Variants in POU6F2 observed in about 807,000 individuals in gnomAD.
POU6F2 encodes the protein POU domain, class 6, transcription factor 2.
In POU6F2, 31 loss-of-function variants were observed where a neutral mutation model predicts 71.3. That is an observed-to-expected ratio of 0.43 (90% confidence interval 0.33 to 0.59). The LOEUF (loss-of-function observed/expected upper bound fraction) is 0.59. Ranked by LOEUF, POU6F2 falls within the 20% of genes least tolerant of loss-of-function variation. The probability of loss-of-function intolerance (pLI) is 0.04; values close to 1 mark genes in which losing one functional copy is unlikely to be tolerated. For missense variants in POU6F2, 783 were observed against 856.8 expected (o/e 0.91, Z 1.07); for synonymous variants, 347 against 355.7 (o/e 0.98, Z 0.27).
chr7:38,983,788 A>C (rs532180778), intron 1 of POU6F2, among the ~76,000 whole-genome samples: 1 of 152,244 alleles, frequency 6.6e-6, no homozygotes, highest in South Asian at 2.1e-4. Flanking sequence ...TATTTCAGGG[A>C]TAGCACTTCT....
chr7:39,088,647 G>A (rs757340820), intron 2 of POU6F2, among the ~76,000 whole-genome samples: 1 of 152,014 alleles, frequency 6.6e-6, no homozygotes, highest in Non-Finnish European at 1.5e-5. Context: ...TGAAAATTGG[G>A]CTTCTCTAAT....
intron 4 of POU6F2, among the ~76,000 whole-genome samples, chr7:39,322,026 C>T (rs192425778): frequency 6.6e-6 from 1 of 152,250 alleles, no homozygotes; most frequent in Non-Finnish European, 1.5e-5. Flanking sequence ...CCGTAAAACT[C>T]AAATTCTCAT....
intron 1 of POU6F2, among the ~76,000 whole-genome samples, chr7:39,071,314 G>T (rs181204694): frequency 1.6e-4 from 25 of 151,930 alleles, no homozygotes; most frequent in Non-Finnish European, 2.9e-4. Context: ...CCAGTGATCC[G>T]ACAGGAGGCA....
chr7:39,213,304 A>G (rs1208419749), intron 4 of POU6F2, among the ~76,000 whole-genome samples: 2 of 152,134 alleles, frequency 1.3e-5, no homozygotes, highest in Non-Finnish European at 2.9e-5. Flanking sequence ...TGACTCCCCA[A>G]ATTAAAGCCT....
intron 4 of POU6F2, among the ~76,000 whole-genome samples, chr7:39,245,689 TATC>T (rs1392626622): frequency 1.3e-5 from 2 of 152,204 alleles, no homozygotes; most frequent in Non-Finnish European, 2.9e-5. Context: ...GAAATCATGT[TATC>T]ATCTGCAGTA....
At chr7:39,373,318 C>T (rs1786649393) in intron 5 of POU6F2, among the ~76,000 whole-genome samples, 1 of 152,082 alleles carries the variant, frequency 6.6e-6, no homozygotes, top group African/African-American at 2.4e-5. Flanking sequence ...GAGCGGTTTC[C>T]ACAGATTGTA....
At chr7:39,001,346 A>G (rs1247051315) in intron 1 of POU6F2, among the ~76,000 whole-genome samples, 2 of 152,132 alleles carry the variant, frequency 1.3e-5, no homozygotes, top group African/African-American at 4.8e-5. Flanking sequence ...TTTATCGAGT[A>G]CTTGTTATGG....
intron 1 of POU6F2, among the ~76,000 whole-genome samples, chr7:39,042,066 G>A (rs894327836): frequency 1.3e-5 from 2 of 151,950 alleles, no homozygotes; most frequent in Admixed American, 6.6e-5. Context: ...GGGCAGGAGA[G>A]CATGTGGGAG....
At chr7:39,307,422 C>G (rs1354833116) in intron 4 of POU6F2, among the ~76,000 whole-genome samples, 1 of 152,100 alleles carries the variant, frequency 6.6e-6, no homozygotes, top group Non-Finnish European at 1.5e-5. Flanking sequence ...CAAATATAAT[C>G]TATCATACTC....
chr7:39,458,541 A>G (rs2116153565), intron 8 of POU6F2, among the ~76,000 whole-genome samples: 1 of 152,224 alleles, frequency 6.6e-6, no homozygotes, highest in East Asian at 1.9e-4. Flanking sequence ...CGAGCCCGGA[A>G]GCAGCTCCAG....
intron 2 of POU6F2, among the ~76,000 whole-genome samples, chr7:39,117,643 G>C (rs1024171427): frequency 2.6e-5 from 4 of 152,102 alleles, no homozygotes; most frequent in African/African-American, 7.2e-5. Flanking sequence ...CGACAAGAGG[G>C]AACCAGTCCT....
At chr7:39,239,838 A>G (rs1199584134) in intron 4 of POU6F2, among the ~76,000 whole-genome samples, 2 of 152,174 alleles carry the variant, frequency 1.3e-5, no homozygotes, top group East Asian at 1.9e-4. Context: ...ACAGTAGCCT[A>G]TAAACCTTCC....
chr7:39,231,512 G>T (rs771743695), intron 4 of POU6F2, among the ~76,000 whole-genome samples: 4 of 152,118 alleles, frequency 2.6e-5, no homozygotes, highest in Non-Finnish European at 4.4e-5. Context: ...AAGAGATTAA[G>T]TGGTATGGCA....
Position 39,015,857 on chromosome 7 carries a change from A to AT in POU6F2, c.105+37800dup, listed in dbSNP as rs1789496348. On this transcript the variant is annotated intron_variant, in intron 1 of 9. Transcript: ENST00000518318. ...TATATAATATATTATATATAGATAT[A>AT]TATAATATATTATATATAGATATAT... Among the ~76,000 whole-genome samples, 4 of 85,752 alleles carry AT rather than the reference A, an allele frequency of 4.7e-5. No individual in the cohort carries two copies. The East Asian group carries it at 1.2e-3, about 25-fold the overall frequency. The allele number at this position is 85,752 out of a possible 152,430, so 56.3% of individuals were successfully genotyped here. A position where few individuals can be genotyped will look rare whatever the true frequency, so the allele number is the denominator to read the frequency against.
chr7:39,323,796 A>G (rs1785449132), intron 4 of POU6F2, among the ~76,000 whole-genome samples: 1 of 152,190 alleles, frequency 6.6e-6, no homozygotes, highest in Non-Finnish European at 1.5e-5. Flanking sequence ...GGAAGGCAAG[A>G]GATTAGAGGT....
At chr7:39,001,939 T>A (rs1467323920) in intron 1 of POU6F2, 4 of 152,270 alleles carry the variant, frequency 2.6e-5, no homozygotes, top group Non-Finnish European at 5.9e-5. Context: ...GTGGTGATAG[T>A]CATGGTGATG....
chr7:39,316,927 C>T (rs1302317976), intron 4 of POU6F2, among the ~76,000 whole-genome samples: 2 of 152,134 alleles, frequency 1.3e-5, no homozygotes, highest in African/African-American at 2.4e-5. Flanking sequence ...AAGTCTTTCA[C>T]TTGAAAAGTG....
chr7:39,178,292 T>C (rs1045138402), intron 2 of POU6F2, among the ~76,000 whole-genome samples: 7 of 152,042 alleles, frequency 4.6e-5, no homozygotes, highest in African/African-American at 1.7e-4. Flanking sequence ...ATATAAACAT[T>C]TTACTATTCC....
At chr7:39,024,551 G>A (rs1245268543) in intron 1 of POU6F2, among the ~76,000 whole-genome samples, 3 of 152,244 alleles carry the variant, frequency 2.0e-5, no homozygotes, top group African/African-American at 7.2e-5. Context: ...TGTCGAATAG[G>A]AGTGGTGAGA....
Sources: gnomAD v4.1 joint callset for allele counts (sites outside exome capture counted in the v4.1 genomes callset) on GRCh38, gnomAD v4.1.1 for gene constraint, MANE v1.5 for transcripts, NCBI Gene and HGNC (gene_info 2026-07-23, HGNC 2026-07-21) for gene names.